Variants in SRGAP2B observed in about 807,000 individuals in gnomAD.
SRGAP2B encodes the protein SLIT-ROBO Rho GTPase-activating protein 2B.
Under a neutral mutation model 22.2 loss-of-function variants are expected in SRGAP2B, and 9 were observed. That is an observed-to-expected ratio of 0.41 (90% CI 0.24 to 0.71). SRGAP2B has a LOEUF of 0.71. SRGAP2B is among the 30% of genes least tolerant of loss of function. The pLI is 0.35. For synonymous variants in SRGAP2B, 36 were observed against 87.4 expected, an observed-to-expected ratio of 0.41 and a Z score of 3.28; for missense variants, 114 against 235.8, an observed-to-expected ratio of 0.48 and a Z score of 3.38.
chr1:144,993,076 A>G (rs1417871920), intron 3 of SRGAP2B, among the ~76,000 whole-genome samples: 8 of 151,240 alleles, frequency 5.3e-5, no homozygotes, highest in African/African-American at 7.4e-5. Flanking sequence ...TAGACATGCA[A>G]AGATGGAAAG....
intron 2 of SRGAP2B, among the ~76,000 whole-genome samples, chr1:145,016,912 G>A (rs1460445197): frequency 4.1e-5 from 6 of 146,748 alleles, no homozygotes; most frequent in Non-Finnish European, 8.9e-5. Flanking sequence ...GCAGTGGTGC[G>A]ATCTCTGCTC....
intron 3 of SRGAP2B, among the ~76,000 whole-genome samples, chr1:144,966,408 GA>G (rs1284590964): frequency 4.1e-5 from 6 of 147,874 alleles, no homozygotes; most frequent in African/African-American, 1.1e-4. Flanking sequence ...ATAAGTGAAG[GA>G]GAAATAAAAT....
At chr1:144,979,775 C>T (rs1435417947) in intron 3 of SRGAP2B, among the ~76,000 whole-genome samples, 25 of 151,548 alleles carry the variant, frequency 1.6e-4, no homozygotes, top group African/African-American at 2.7e-4. Context: ...GCTGGCTCCC[C>T]GGTGCCTTCT....
chr1:144,925,770 AG>A (rs1664668482), intron 4 of SRGAP2B, among the ~76,000 whole-genome samples: 1 of 144,420 alleles, frequency 6.9e-6, no homozygotes, highest in Non-Finnish European at 1.5e-5. Flanking sequence ...AAAGAAAGAA[AG>A]AAAGAAAGAA....
intron 3 of SRGAP2B, among the ~76,000 whole-genome samples, chr1:144,964,480 T>C (rs1570870150): frequency 6.6e-6 from 1 of 150,858 alleles, no homozygotes; most frequent in East Asian, 1.9e-4. Context: ...AATTACAGCA[T>C]ATTATTAACC....
In SRGAP2B at chr1:144,940,536, C is replaced by A. The variant is rs1366326566; in HGVS notation, c.423+14903G>T. ...ACAGCCAGCTGGTCGTGGTGGCTCACGCCTGAAATCCCAGCACTTTGGGAG... is the reference window on the plus strand; with the variant it reads ...ACAGCCAGCTGGTCGTGGTGGCTCAAGCCTGAAATCCCAGCACTTTGGGAG... On this transcript the variant is annotated intron_variant, in intron 4 of 9. Transcript: ENST00000612199. Among the ~76,000 whole-genome samples the A allele has an allele frequency of 1.6e-4, 24 of 145,476 alleles. 1 individual carries two copies. The East Asian group carries it at 4.9e-3, about 29-fold the overall frequency.
intron 2 of SRGAP2B, among the ~76,000 whole-genome samples, chr1:144,997,317 GCT>G (rs1454708030): frequency 4.0e-5 from 6 of 150,898 alleles, no homozygotes; most frequent in African/African-American, 1.5e-4. Flanking sequence ...TGTGGTCCCA[GCT>G]ACTGGGGAGG....
chr1:145,070,370 T>C (rs1357377958), intron 2 of SRGAP2B, among the ~76,000 whole-genome samples: 1 of 103,876 alleles, frequency 9.6e-6, no homozygotes, highest in African/African-American at 4.0e-5. Context: ...CAATGGCATG[T>C]ACAAAAGAAG....
intron 3 of SRGAP2B, among the ~76,000 whole-genome samples, chr1:144,973,323 T>C (rs1398208990): frequency 6.9e-6 from 1 of 144,970 alleles, no homozygotes; most frequent in Non-Finnish European, 1.5e-5. Context: ...TAATTACGTA[T>C]TCCAGATCCC....
intron 9 of SRGAP2B, among the ~76,000 whole-genome samples, chr1:144,892,588 GCCACTACAAC>G (rs1324918017): frequency 6.7e-6 from 1 of 150,204 alleles, no homozygotes; most frequent in East Asian, 1.9e-4. Flanking sequence ...AAACCTAAAA[GCCACTACAAC>G]CCTTCATGCT....
chr1:145,044,715 C>T (rs1350123682), intron 2 of SRGAP2B, among the ~76,000 whole-genome samples: 2 of 40,918 alleles, frequency 4.9e-5, no homozygotes, highest in Non-Finnish European at 9.3e-5. Flanking sequence ...AAAAGCAAGA[C>T]AAGACAGAAT....
At chr1:144,916,070 TA>T (rs1249473653) in intron 4 of SRGAP2B, among the ~76,000 whole-genome samples, 1 of 149,684 alleles carries the variant, frequency 6.7e-6, no homozygotes, top group Non-Finnish European at 1.5e-5. Context: ...CATCTCTACT[TA>T]AAAAATACTT....
chr1:144,942,762 G>A (rs1553607606), intron 4 of SRGAP2B, among the ~76,000 whole-genome samples: 1 of 151,942 alleles, frequency 6.6e-6, no homozygotes, highest in Non-Finnish European at 1.5e-5. Flanking sequence ...GTACAGAGAT[G>A]ACAAAAAGTA....
At position 144,930,728 on chromosome 1, in the gene SRGAP2B, T is replaced by C. The variant is rs1482868592; in HGVS notation, c.424-15974A>G. Among the ~76,000 whole-genome samples the C allele has an allele frequency of 1.3e-5, 2 of 149,470 alleles. 1 individual carries two copies. Among genetic ancestry groups the C allele is most frequent in the African/African-American group, 5.1e-5 (2 of 39,446 alleles). On this transcript the variant is annotated intron_variant, in intron 4 of 9. Transcript: ENST00000612199. ...GTAATCACTGACTTCGAATTCTCTT[T>C]CCAATAAGTGGCCATACGCTGTTCA... is the stretch of plus-strand genomic sequence containing the variant.
intron 2 of SRGAP2B, among the ~76,000 whole-genome samples, chr1:145,091,229 A>T (rs1276897661): frequency 8.4e-5 from 5 of 59,258 alleles, no homozygotes; most frequent in East Asian, 6.4e-4. Flanking sequence ...AGGATGTGTT[A>T]AAAAAAAAAA....
intron 3 of SRGAP2B, among the ~76,000 whole-genome samples, chr1:144,986,483 T>A (rs1185583533): frequency 6.7e-6 from 1 of 149,552 alleles, no homozygotes; most frequent in African/African-American, 2.5e-5. Context: ...AGTACTATTG[T>A]CACTCCAGAG....
At chr1:144,925,678 G>A (rs587626395) in intron 4 of SRGAP2B, among the ~76,000 whole-genome samples, 2 of 138,368 alleles carry the variant, frequency 1.4e-5, no homozygotes, top group South Asian at 4.7e-4. Context: ...AGGACAGAAA[G>A]AAAGAAGTGG....
At chr1:145,020,945 G>A (rs1379352988) in intron 2 of SRGAP2B, among the ~76,000 whole-genome samples, 7 of 148,640 alleles carry the variant, frequency 4.7e-5, no homozygotes, top group African/African-American at 7.7e-5. Flanking sequence ...GATTACAAGC[G>A]TGCGCCACCA....
At chr1:144,971,445 G>A (rs1459548931) in intron 3 of SRGAP2B, among the ~76,000 whole-genome samples, 1 of 149,162 alleles carries the variant, frequency 6.7e-6, no homozygotes, top group African/African-American at 2.5e-5. Flanking sequence ...CTTTTTTTTT[G>A]CAGAGATGGG....
Sources: gnomAD v4.1 joint callset for allele counts (sites outside exome capture counted in the v4.1 genomes callset) on GRCh38, gnomAD v4.1.1 for gene constraint, MANE v1.5 for transcripts, NCBI Gene and HGNC (gene_info 2026-07-23, HGNC 2026-07-21) for gene names.